Variants in BROX observed in about 807,000 individuals in gnomAD.
BROX encodes BRO1 domain-containing protein BROX.
In BROX, 53 loss-of-function variants were observed where a neutral mutation model predicts 61.0. That is an observed-to-expected ratio of 0.87 (90% CI 0.70 to 1.09). The LOEUF (loss-of-function observed/expected upper bound fraction) is 1.09. BROX is among the 50% of genes least tolerant of loss of function. BROX has a pLI of 0.00. For missense variants in BROX, 489 were observed against 472.0 expected, an observed-to-expected ratio of 1.04 and a Z score of -0.33; for synonymous variants, 152 against 160.2, an observed-to-expected ratio of 0.95 and a Z score of 0.38.
At position 222,715,706 on chromosome 1, in the gene BROX, C is replaced by A; in HGVS notation, c.7C>A (p.His3Asn). ...TAGAAAACATCTGGAGAAAATGACC[C>A]ATTGGTTTCATAGGAACCCATTAAA... is the stretch of plus-strand genomic sequence containing the variant. MT[H>N]WFHRNPLKAT... Residue 3 changes from histidine to asparagine, a missense_variant, in exon 2 of 13, where the codon CAT becomes AAT. Transcript: ENST00000340934. 6.7e-7 allele frequency: 1 copy of A among 1,490,406 alleles called. No individual in the cohort carries two copies. The highest frequency in any genetic ancestry group is 1.5e-5 in the South Asian group (1 of 66,644). The allele number at this position is 1,490,406 out of a possible 1,614,324, so 92.3% of individuals were successfully genotyped here.
intron 7 of BROX, 28 bp from the exon 8 acceptor site, chr1:222,727,140 A>G (rs1325314873): frequency 2.7e-6 from 4 of 1,474,334 alleles, no homozygotes; most frequent in Non-Finnish European, 3.8e-6. Flanking sequence ...GCTTAATTAT[A>G]GATTCACTTT....
At chr1:222,722,353 C>T (rs1241706952) in intron 4 of BROX, 66 bp from the exon 5 acceptor site, 5 of 1,317,404 alleles carry the variant, frequency 3.8e-6, no homozygotes, top group Admixed American at 3.5e-5. Context: ...GTCGGATATC[C>T]AGTAGGCTTC....
intron 9 of BROX, 108 bp from the exon 10 acceptor site, chr1:222,729,512 T>C: frequency 2.8e-6 from 2 of 719,732 alleles, no homozygotes; most frequent in South Asian, 4.0e-5. Flanking sequence ...GGGATTGCAT[T>C]GATACTTCAG....
At chr1:222,713,363 G>T in intron 1 of BROX, 1 of 985,646 alleles carries the variant, frequency 1.0e-6, no homozygotes, top group Non-Finnish European at 1.2e-6. Flanking sequence ...ACGGGAGGAA[G>T]AGGCTGGGTG....
At position 222,722,279 on chromosome 1, in the gene BROX, C is replaced by G; in HGVS notation, c.306-140C>G. 4.3e-6 allele frequency: 3 copies of G among 695,734 alleles called. No homozygotes were observed. The South Asian group carries it at 4.8e-5, about 11-fold the overall frequency. 43.1% of individuals were successfully genotyped at this position (695,734 alleles called of 1,614,324 possible). A position where few individuals can be genotyped will look rare whatever the true frequency, so the allele number is the denominator to read the frequency against. ...TTACCTGTACATCTTATCTCCCCAT[C>G]TATATTAAACACAACCATTTTCCTC... On this transcript the variant is annotated intron_variant, in intron 4 of 12. Transcript: ENST00000340934.
chr1:222,713,921 A>G (rs1656309341), intron 1 of BROX: 1 of 152,194 alleles, frequency 6.6e-6, no homozygotes, highest in Non-Finnish European at 1.5e-5. Flanking sequence ...TGTATTCTCT[A>G]TTCATTAAGT....
At chr1:222,714,287 C>T (rs1224670600) in intron 1 of BROX, among the ~76,000 whole-genome samples, 1 of 149,352 alleles carries the variant, frequency 6.7e-6, no homozygotes, top group African/African-American at 2.5e-5. Flanking sequence ...TCTCGGCTCA[C>T]TGCAAGCTCC....
chr1:222,727,022 T>G, intron 7 of BROX, 146 bp from the exon 8 acceptor site: 1 of 575,466 alleles, frequency 1.7e-6, no homozygotes, highest in Non-Finnish European at 3.0e-6. Flanking sequence ...ATGTTTGCAT[T>G]TTCTATAAGT....
chr1:222,714,236 G>T (rs1656354410), intron 1 of BROX, among the ~76,000 whole-genome samples: 1 of 146,560 alleles, frequency 6.8e-6, no homozygotes, highest in Non-Finnish European at 1.5e-5. Flanking sequence ...TTTTGAGACG[G>T]AGTCTCCCTC....
Position 222,729,679 on chromosome 1 carries a change from GTC to G in BROX, c.821_822del (p.Leu274ProfsTer15). ...ASDKCGEAIR[S>X]LQEAEKLYAK... ...GTGATAAATGCGGTGAAGCAATCAGGTCTCTCCAAGAAGCAGAAAAATGTAAG... is the reference window on the plus strand; with the variant it reads ...GTGATAAATGCGGTGAAGCAATCAGGTCTCCAAGAAGCAGAAAAATGTAAG... On this transcript the variant is annotated frameshift_variant, in exon 10 of 13. Coordinates refer to ENST00000340934, the MANE Select transcript of BROX (RefSeq NM_144695.4). LOFTEE classifies it high-confidence loss of function. 1 of 1,612,290 alleles carries G rather than the reference GTC, an allele frequency of 6.2e-7. No individual in the cohort carries two copies. Among genetic ancestry groups the G allele is most frequent in the Middle Eastern group, 1.7e-4 (1 of 6,052 alleles).
rs750741022 is a variant in BROX at position 222,712,828 on chromosome 1, G to C, written c.-131G>C. The C allele has an allele frequency of 1.6e-6, 2 of 1,288,206 alleles. No individual in the cohort carries two copies. The highest frequency in any genetic ancestry group is 4.6e-5 in the Admixed American group (2 of 43,482). 79.8% of individuals were successfully genotyped at this position (1,288,206 alleles called of 1,614,324 possible). A position where few individuals can be genotyped will look rare whatever the true frequency, so the allele number is the denominator to read the frequency against. ...CGGCTTGGCGCCGTCCTGGTTTTCC[G>C]TCACCCTGGTTCTGTAGTCTCGGTT... On this transcript the variant is annotated 5_prime_UTR_variant, in exon 1 of 13. Transcript: ENST00000340934.
At chr1:222,723,207 A>C (rs925410221) in intron 5 of BROX, among the ~76,000 whole-genome samples, 21 of 152,230 alleles carry the variant, frequency 1.4e-4, no homozygotes, top group African/African-American at 4.8e-4. Context: ...TTGTGTATCT[A>C]TGTGTTTCTT....
At chr1:222,725,373 T>G in intron 6 of BROX, 77 bp from the exon 7 acceptor site, 1 of 988,418 alleles carries the variant, frequency 1.0e-6, no homozygotes, top group Middle Eastern at 2.2e-4. Flanking sequence ...ATAACTTTCA[T>G]TTTCTTCATC....
At position 222,713,217 on chromosome 1, in the gene BROX, C is replaced by T; in HGVS notation, c.-17+275C>T. The stretch of plus-strand genomic sequence containing the variant: ...TTATAATACAAGCTAAACTGGGGTT[C>T]GTTCGGCCGTTGTCTGGCCACCTCT... On this transcript the variant is annotated intron_variant, in intron 1 of 12. Coordinates refer to ENST00000340934, the MANE Select transcript of BROX (RefSeq NM_144695.4). 3.0e-6 allele frequency: 3 copies of T among 985,874 alleles called. No homozygotes were observed. In the South Asian group the frequency reaches 1.4e-4, roughly 45 times the overall value. 61.1% of individuals were successfully genotyped at this position (985,874 alleles called of 1,614,324 possible).
Position 222,718,917 on chromosome 1 carries a change from C to T in BROX, c.102-8C>T, listed in dbSNP as rs368833998. 5 of 1,610,118 alleles carry T rather than the reference C, an allele frequency of 3.1e-6. No homozygotes were observed. Among genetic ancestry groups the T allele is most frequent in the Non-Finnish European group, 3.4e-6 (4 of 1,176,960 alleles). ...CTAACTTTACTGTCTTTTTGTATCT[C>T]TTATAAGTGACTTGAGGTCATCCAG... On this transcript the variant is annotated splice_polypyrimidine_tract_variant and splice_region_variant and intron_variant, in intron 2 of 12. Coordinates refer to ENST00000340934, the MANE Select transcript of BROX (RefSeq NM_144695.4).
At chr1:222,718,759 T>C (rs937441758) in intron 2 of BROX, among the ~76,000 whole-genome samples, 166 bp from the exon 3 acceptor site, 2 of 152,174 alleles carry the variant, frequency 1.3e-5, no homozygotes, top group Admixed American at 1.3e-4. Context: ...TTAGAGGAGG[T>C]AGGCATGTGC....
rs1176828667 is a variant in BROX at position 222,712,906 on chromosome 1, C to T, written c.-53C>T. The T allele has an allele frequency of 1.6e-6, 2 of 1,222,326 alleles. No individual in the cohort carries two copies. The highest frequency in any genetic ancestry group is 5.9e-5 in the East Asian group (1 of 16,912). The allele number at this position is 1,222,326 out of a possible 1,614,324, so 75.7% of individuals were successfully genotyped here. ...GGACTCCGATATATTGCCCTTCTTC[C>T]CTTAGAAGAACTGCTGAACCGACTC... On this transcript the variant is annotated 5_prime_UTR_variant, in exon 1 of 13. Coordinates refer to ENST00000340934, the MANE Select transcript of BROX (RefSeq NM_144695.4).
intron 2 of BROX, 52 bp downstream of exon 2, chr1:222,715,852 C>G: frequency 9.7e-7 from 1 of 1,033,146 alleles, no homozygotes; most frequent in Non-Finnish European, 1.5e-6. Flanking sequence ...TTTTTGGTTC[C>G]ATGGCAATAC....
intron 1 of BROX, chr1:222,715,209 T>A (rs1656499489): frequency 6.6e-6 from 1 of 152,308 alleles, no homozygotes; most frequent in Admixed American, 6.5e-5. Flanking sequence ...CATCAGCATC[T>A]CAGGTCCTGC....
Sources: allele counts gnomAD v4.1 joint callset (sites outside exome capture counted in the v4.1 genomes callset), GRCh38; gene constraint gnomAD v4.1.1; transcripts MANE v1.5; gene names NCBI Gene and HGNC (gene_info 2026-07-23, HGNC 2026-07-21).